Variants in COBL observed in about 807,000 individuals in gnomAD.
COBL encodes the protein protein cordon-bleu.
In COBL, 51 loss-of-function variants were observed where a neutral mutation model predicts 98.8. That is an observed-to-expected ratio of 0.52 (90% confidence interval 0.41 to 0.65). COBL has a LOEUF of 0.65. Ranked by LOEUF, COBL falls within the 30% of genes least tolerant of loss-of-function variation. The probability of loss-of-function intolerance (pLI) is 0.00; values close to 1 mark genes in which losing one functional copy is unlikely to be tolerated. For missense variants in COBL, 1,617 were observed against 1,617.5 expected (o/e 1.00, Z 0.01); for synonymous variants, 634 against 651.7 (o/e 0.97, Z 0.41).
rs1789408543 is a variant in COBL at position 51,043,545 on chromosome 7, T to C, written c.1244A>G (p.Asp415Gly). 1 of 1,614,142 alleles carries C rather than the reference T, an allele frequency of 6.2e-7. No homozygotes were observed. Residue 415 changes from aspartate (D) to glycine (G), a missense_variant, in exon 8 of 13, where the codon GAC becomes GGC. Physicochemically the swap from Asp to Gly is moderately conservative, Grantham distance 94 (BLOSUM62 -1). This residue lies in a region of COBL where 1,304 missense variants were observed against 1,282.0 expected (regional missense o/e 1.02). Coordinates refer to ENST00000265136, the MANE Select transcript of COBL (RefSeq NM_015198.5). ...CTGCTGCGAGTCCAGAGAGACGATG[T>C]CTGAGGGGGAACTCATCACTCCTGA... The part of the protein sequence containing the change: ...EDSGVMSSPS[D>G]IVSLDSQQDS...
chr7:51,305,315 A>T (rs1481358570), intron 1 of COBL, among the ~76,000 whole-genome samples: 3 of 152,224 alleles, frequency 2.0e-5, no homozygotes, highest in Non-Finnish European at 2.9e-5. Flanking sequence ...CAGGCTCTGC[A>T]GCCAGTCTTA....
At chr7:51,285,393 A>G (rs1239914291) in intron 1 of COBL, among the ~76,000 whole-genome samples, 1 of 151,938 alleles carries the variant, frequency 6.6e-6, no homozygotes, top group Non-Finnish European at 1.5e-5. Context: ...AAAAAAAAAA[A>G]GCAAAAATCC....
chr7:51,234,975 T>C (rs1363246973), intron 1 of COBL, among the ~76,000 whole-genome samples: 4 of 152,018 alleles, frequency 2.6e-5, no homozygotes, highest in African/African-American at 4.8e-5. Flanking sequence ...GAAGACTTTA[T>C]CTCTGAGGCT....
intron 6 of COBL, among the ~76,000 whole-genome samples, chr7:51,122,704 C>A (rs1184881947): frequency 6.6e-6 from 1 of 152,166 alleles, no homozygotes; most frequent in Non-Finnish European, 1.5e-5. Flanking sequence ...TCAGGCCAGG[C>A]ACAGTGGCTC....
In COBL at chr7:51,028,520, G is replaced by A. The variant is rs1382515420; in HGVS notation, c.2576C>T (p.Pro859Leu). The A allele has an allele frequency of 6.2e-7, 1 of 1,614,266 alleles. No individual in the cohort carries two copies. The highest frequency in any genetic ancestry group is 1.3e-5 in the African/African-American group (1 of 75,070). The part of the protein sequence containing the change: ...AHTTEVTFLK[P>L]QRRTSSQYVA... Reference sequence around the variant, plus strand: ...ATACTGGCTGGACGTTCTTCTCTGAGGCTTGAGAAATGTGACTTCTGTGGT... The same window carrying A: ...ATACTGGCTGGACGTTCTTCTCTGAAGCTTGAGAAATGTGACTTCTGTGGT... Residue 859 changes from proline to leucine, a missense_variant, in exon 10 of 13, where the codon CCT becomes CTT. Pro to Leu is a moderately conservative substitution (Grantham distance 98, BLOSUM62 -3). This residue lies in a region of COBL where 1,304 missense variants were observed against 1,282.0 expected (regional missense o/e 1.02). Transcript: ENST00000265136.
chr7:51,273,484 C>CA (rs1798980375), intron 1 of COBL, among the ~76,000 whole-genome samples: 1 of 152,016 alleles, frequency 6.6e-6, no homozygotes, highest in Admixed American at 6.5e-5. Context: ...TACCAAAAAA[C>CA]AAAAACAAAC....
At chr7:51,234,102 A>T (rs1300867404) in intron 1 of COBL, among the ~76,000 whole-genome samples, 2 of 152,220 alleles carry the variant, frequency 1.3e-5, no homozygotes, top group Non-Finnish European at 2.9e-5. Flanking sequence ...GCCTGTTTTG[A>T]TACTGGTGTT....
intron 7 of COBL, among the ~76,000 whole-genome samples, chr7:51,051,517 C>T (rs1002247671): frequency 6.6e-6 from 1 of 152,128 alleles, no homozygotes; most frequent in Non-Finnish European, 1.5e-5. Context: ...ACTCTACTTC[C>T]TTTGGAGTAA....
chr7:51,219,107 C>A (rs117222384), intron 2 of COBL, among the ~76,000 whole-genome samples: 2 of 152,270 alleles, frequency 1.3e-5, no homozygotes, highest in African/African-American at 2.4e-5. Context: ...GGAGACTTTG[C>A]CAATGTTTCA....
At chr7:51,041,620 A>G (rs1301384073) in intron 8 of COBL, among the ~76,000 whole-genome samples, 1 of 150,826 alleles carries the variant, frequency 6.6e-6, no homozygotes, top group African/African-American at 2.4e-5. Context: ...AGCAGCTGGG[A>G]CTACAGGCAA....
At position 51,044,178 on chromosome 7, in the gene COBL, G is replaced by A. The variant is rs574612113; in HGVS notation, c.1097-486C>T. Reference sequence around the variant, plus strand: ...TGAAATCTGGCCTGGAAGATTCACGGCCCTACTCCCCAGCTTTTGGCTCTC... The same window carrying A: ...TGAAATCTGGCCTGGAAGATTCACGACCCTACTCCCCAGCTTTTGGCTCTC... On this transcript the variant is annotated intron_variant, in intron 7 of 12. Transcript: ENST00000265136. Among the ~76,000 whole-genome samples, 10 of 152,294 alleles carry A rather than the reference G, an allele frequency of 6.6e-5. 1 individual carries two copies. Among genetic ancestry groups the A allele is most frequent in the Admixed American group, 2.6e-4 (4 of 15,296 alleles).
chr7:51,252,774 T>C (rs906399519), intron 1 of COBL, among the ~76,000 whole-genome samples: 3 of 152,152 alleles, frequency 2.0e-5, no homozygotes, highest in South Asian at 2.1e-4. Flanking sequence ...ATTATTCCAA[T>C]GTAATGGTTT....
chr7:51,273,327 CAAAAAAA>C (rs953811880), intron 1 of COBL, among the ~76,000 whole-genome samples: 12 of 59,500 alleles, frequency 2.0e-4, no homozygotes, highest in East Asian at 1.2e-3. Context: ...GACTCCATCT[CAAAAAAA>C]AAAAAAAAAA....
At position 51,053,767 on chromosome 7, in the gene COBL, G is replaced by A. The variant is rs537572436; in HGVS notation, c.1097-10075C>T. ...CGGGCCCGGCCAATCTTAGCTTCTC[G>A]TCTTTGTGTCTCTGCTCCTCCTTCC... On this transcript the variant is annotated intron_variant, in intron 7 of 12. Transcript: ENST00000265136. Among the ~76,000 whole-genome samples, 14 of 152,322 alleles carry A rather than the reference G, an allele frequency of 9.2e-5. No homozygotes were observed. In the East Asian group the frequency reaches 9.7e-4, roughly 11 times the overall value.
intron 1 of COBL, among the ~76,000 whole-genome samples, chr7:51,307,395 G>T (rs139483556): frequency 5.7e-4 from 74 of 129,340 alleles, no homozygotes; most frequent in African/African-American, 1.2e-3. Flanking sequence ...GGAGAGGACA[G>T]TACTGTCCTA....
intron 6 of COBL, among the ~76,000 whole-genome samples, chr7:51,130,070 G>A (rs1468777802): frequency 6.6e-6 from 1 of 152,190 alleles, no homozygotes; most frequent in Non-Finnish European, 1.5e-5. Flanking sequence ...AAACAGGCAG[G>A]ATTCCCTGAC....
At chr7:51,053,402 C>T (rs546217343) in intron 7 of COBL, among the ~76,000 whole-genome samples, 2 of 152,296 alleles carry the variant, frequency 1.3e-5, no homozygotes, top group Non-Finnish European at 2.9e-5. Context: ...AGGCTGACCC[C>T]GTTCAAATGG....
intron 5 of COBL, among the ~76,000 whole-genome samples, chr7:51,139,189 G>A (rs1372157999): frequency 6.6e-6 from 1 of 152,134 alleles, no homozygotes; most frequent in Non-Finnish European, 1.5e-5. Context: ...CTTTAAAATG[G>A]GGAAAAATCC....
intron 1 of COBL, among the ~76,000 whole-genome samples, chr7:51,244,220 C>A (rs762174426): frequency 6.6e-6 from 1 of 152,140 alleles, no homozygotes; most frequent in Non-Finnish European, 1.5e-5. Context: ...AATGTAAACA[C>A]AAGAATAGGC....
Sources: allele counts gnomAD v4.1 joint callset (sites outside exome capture counted in the v4.1 genomes callset), GRCh38; gene constraint gnomAD v4.1.1; regional missense constraint gnomAD v4.1.1; transcripts MANE v1.5; gene names NCBI Gene and HGNC (gene_info 2026-07-23, HGNC 2026-07-21).